The following SLC2A1 variants were observed in gnomAD, a reference collection of about 807,000 sequenced individuals.
The protein encoded by SLC2A1 is solute carrier family 2 member 1.
SLC2A1 carries 4 observed loss-of-function variants against 46.6 expected under a neutral mutation model. The ratio of observed to expected loss-of-function variants is 0.09; its 90% confidence interval spans 0.04 to 0.20. The LOEUF is 0.20. SLC2A1 is among the 10% of genes least tolerant of loss of function. The pLI, the probability that SLC2A1 is intolerant of heterozygous loss-of-function variation, is 1.00. For synonymous variants in SLC2A1, 253 were observed against 270.0 expected (o/e 0.94, Z 0.62); for missense variants, 352 against 667.0 (o/e 0.53, Z 5.20).
intron 2 of SLC2A1, among the ~76,000 whole-genome samples, chr1:42,934,684 C>T (rs1234639740): frequency 6.6e-6 from 1 of 152,100 alleles, no homozygotes; most frequent in African/African-American, 2.4e-5. Context: ...CCAATCCCGC[C>T]GGCTCCCAGC....
intron 1 of SLC2A1, among the ~76,000 whole-genome samples, chr1:42,949,630 G>T (rs943946418): frequency 1.3e-5 from 2 of 152,186 alleles, no homozygotes. Flanking sequence ...GAAGGCACTC[G>T]CCAGTCTTCA....
At chr1:42,956,747 G>T (rs776771290) in intron 1 of SLC2A1, among the ~76,000 whole-genome samples, 1 of 152,130 alleles carries the variant, frequency 6.6e-6, no homozygotes, top group Non-Finnish European at 1.5e-5. Context: ...CTGGCACAAG[G>T]GGCCACCTTT....
At chr1:42,956,359 C>T (rs1384552775) in intron 1 of SLC2A1, among the ~76,000 whole-genome samples, 1 of 141,008 alleles carries the variant, frequency 7.1e-6, no homozygotes, top group Admixed American at 7.6e-5. Context: ...GTCGGGAGTT[C>T]GAGACCAGCC....
chr1:42,927,567 T>G lies in SLC2A1; in HGVS notation c.1278+38A>C, dbSNP rs768066068. The G allele has an allele frequency of 1.3e-6, 2 of 1,548,980 alleles. No homozygotes were observed. Among genetic ancestry groups the G allele is most frequent in the East Asian group, 4.5e-5 (2 of 43,960 alleles). On this transcript the variant is annotated intron_variant, in intron 9 of 9. Transcript: ENST00000426263. The surrounding 1 kb of genome is among the most constrained non-coding windows in gnomAD (Gnocchi z 5.3). ...CACTTTGCACAGCACTGTGGGGTCA[T>G]GCGTGCGGGTGAGTATAGAGACAGT...
intron 1 of SLC2A1, among the ~76,000 whole-genome samples, chr1:42,956,996 A>G (rs1307114419): frequency 1.3e-5 from 2 of 152,176 alleles, no homozygotes; most frequent in Non-Finnish European, 2.9e-5. Context: ...GAACCTGCTG[A>G]TTTTCTCCTC....
In SLC2A1 at chr1:42,929,135, G is replaced by C. The variant is rs774743184; in HGVS notation, c.972+75C>G. On this transcript the variant is annotated intron_variant, in intron 7 of 9. Transcript: ENST00000426263. This position sits in a 1 kb window ranked among gnomAD's most constrained non-coding sequence, Gnocchi z 6.0. The stretch of plus-strand genomic sequence containing the variant: ...AGAGCTGAGAAAGTCACAGGGCACT[G>C]CAAAGACCAGTGGGGAAGATGGCAC... 3.9e-6 allele frequency: 6 copies of C among 1,557,362 alleles called. No individual in the cohort carries two copies. Among genetic ancestry groups the C allele is most frequent in the Non-Finnish European group, 5.3e-6 (6 of 1,129,178 alleles).
At chr1:42,957,503 T>A (rs901257507) in intron 1 of SLC2A1, among the ~76,000 whole-genome samples, 1 of 152,016 alleles carries the variant, frequency 6.6e-6, no homozygotes, top group Non-Finnish European at 1.5e-5. Context: ...ACAAGGGCCA[T>A]CCAGGTGCCC....
rs74323945 is a variant in SLC2A1, at chr1:42,930,820, C to T, written c.322G>A (p.Val108Met). Reference protein sequence around the residue: ...MMNLLAFVSAVLMGFSKLGKS... With the variant: ...MMNLLAFVSAMLMGFSKLGKS... ...CCCAGTTTCGAGAAGCCCATGAGCA[C>T]GGCGGACACGAAGGCCAGCAGGTTC... The change falls in exon 4 of 10, where the codon GTG becomes ATG. Residue 108 changes from valine (V) to methionine (M), a missense_variant. By Grantham distance (21) the Val-to-Met change is conservative. Around this residue, in one of 5 missense-constraint regions of SLC2A1, gnomAD observed 97 missense variants for 175.6 expected, o/e 0.55. Coordinates refer to ENST00000426263, the MANE Select transcript of SLC2A1 (RefSeq NM_006516.4). This position sits in a 1 kb window ranked among gnomAD's most constrained non-coding sequence, Gnocchi z 6.2. 36 of 1,600,796 alleles carry T rather than the reference C, an allele frequency of 2.2e-5. No individual in the cohort carries two copies. Among genetic ancestry groups the T allele is most frequent in the South Asian group, 4.4e-5 (4 of 91,084 alleles).
At chr1:42,945,642 G>A (rs1376071217) in intron 1 of SLC2A1, among the ~76,000 whole-genome samples, 1 of 151,436 alleles carries the variant, frequency 6.6e-6, no homozygotes, top group East Asian at 1.9e-4. Context: ...CAACTACTTG[G>A]GAGGCTGAGG....
intron 2 of SLC2A1, among the ~76,000 whole-genome samples, chr1:42,936,197 C>G (rs1336958393): frequency 6.6e-6 from 1 of 152,196 alleles, no homozygotes; most frequent in Non-Finnish European, 1.5e-5. Flanking sequence ...TAGGCTCGGT[C>G]TCAACTCTCC....
chr1:42,945,115 T>C (rs1643637669), intron 1 of SLC2A1, among the ~76,000 whole-genome samples: 1 of 152,196 alleles, frequency 6.6e-6, no homozygotes, highest in Non-Finnish European at 1.5e-5. Flanking sequence ...CAGCGACTGC[T>C]AGGCCCGCCA....
rs780104909 is a variant in SLC2A1, at chr1:42,929,407, G to C, written c.868-93C>G. 3 of 1,158,622 alleles carry C rather than the reference G, an allele frequency of 2.6e-6. No individual in the cohort carries two copies. The highest frequency in any genetic ancestry group is 3.8e-6 in the Non-Finnish European group (3 of 785,228). The allele number at this position is 1,158,622 out of a possible 1,614,324, so 71.8% of individuals were successfully genotyped here. On this transcript the variant is annotated intron_variant, in intron 6 of 9. Transcript: ENST00000426263. The surrounding 1 kb of genome is among the most constrained non-coding windows in gnomAD (Gnocchi z 6.0). Reference sequence around the variant, plus strand: ...GGATGTGGGACCCAGGATGAGTAAAGAATGAAGGGGACAAATACTCAGGCA... The same window carrying C: ...GGATGTGGGACCCAGGATGAGTAAACAATGAAGGGGACAAATACTCAGGCA...
intron 2 of SLC2A1, among the ~76,000 whole-genome samples, chr1:42,933,813 C>G (rs906000420): frequency 6.6e-6 from 1 of 152,104 alleles, no homozygotes; most frequent in Admixed American, 6.5e-5. Flanking sequence ...ACTTTGCTCT[C>G]CTGAGCAACC....
intron 1 of SLC2A1, among the ~76,000 whole-genome samples, chr1:42,955,375 G>C (rs1175611648): frequency 6.6e-6 from 1 of 152,196 alleles, no homozygotes; most frequent in Non-Finnish European, 1.5e-5. Flanking sequence ...TTGGGAGGCT[G>C]AAGTGGGCGG....
At chr1:42,940,726 C>T (rs188573413) in intron 2 of SLC2A1, among the ~76,000 whole-genome samples, 140 of 152,226 alleles carry the variant, frequency 9.2e-4, no homozygotes, top group Non-Finnish European at 1.1e-3. Flanking sequence ...GGGATTACAG[C>T]GTGAGCCACA....
Position 42,925,405 on chromosome 1 carries a change from A to G in SLC2A1, c.*1636T>C, listed in dbSNP as rs1317891464. ...ATATCTTTGGTGTTTTATTTCCTCCAGTATTTTCTGAGTGCCTGCTGTGCA... is the reference window on the plus strand; with the variant it reads ...ATATCTTTGGTGTTTTATTTCCTCCGGTATTTTCTGAGTGCCTGCTGTGCA... On this transcript the variant is annotated 3_prime_UTR_variant, in exon 10 of 10. Coordinates refer to ENST00000426263, the MANE Select transcript of SLC2A1 (RefSeq NM_006516.4). 6.6e-6 allele frequency: 1 copy of G among 152,220 alleles called. No individual in the cohort carries two copies. Among genetic ancestry groups the G allele is most frequent in the Non-Finnish European group, 1.5e-5 (1 of 68,046 alleles). The allele number at this position is 152,220 out of a possible 1,614,324, so 9.4% of individuals were successfully genotyped here. A position where few individuals can be genotyped will look rare whatever the true frequency, so the allele number is the denominator to read the frequency against.
At chr1:42,939,055 C>T (rs1163013384) in intron 2 of SLC2A1, among the ~76,000 whole-genome samples, 10 of 152,238 alleles carry the variant, frequency 6.6e-5, no homozygotes, top group Admixed American at 1.3e-4. Flanking sequence ...TGTCTAGGAC[C>T]GCATCTGGCA....
intron 1 of SLC2A1, among the ~76,000 whole-genome samples, chr1:42,950,921 G>A (rs1436778468): frequency 6.6e-6 from 1 of 152,184 alleles, no homozygotes; most frequent in Non-Finnish European, 1.5e-5. Flanking sequence ...GTTGCAGTGA[G>A]CCGAGATCGC....
intron 2 of SLC2A1, among the ~76,000 whole-genome samples, chr1:42,933,665 C>T (rs1643514933): frequency 6.6e-6 from 1 of 151,860 alleles, no homozygotes; most frequent in Non-Finnish European, 1.5e-5. Flanking sequence ...ACGGTAATGC[C>T]CCGTTTATCA....
Sources: allele counts gnomAD v4.1 joint callset (sites outside exome capture counted in the v4.1 genomes callset), GRCh38; gene constraint gnomAD v4.1.1; regional missense constraint gnomAD v4.1.1; non-coding constraint Gnocchi (gnomAD v3.1); transcripts MANE v1.5; gene names NCBI Gene and HGNC (gene_info 2026-07-23, HGNC 2026-07-21).